SMARCAL1: variants seen among roughly 807,000 people sequenced by gnomAD.
SMARCAL1 encodes the protein ATP-driven annealing helicase.
SMARCAL1 carries 58 observed loss-of-function variants against 94.5 expected under a neutral mutation model. The observed-to-expected ratio is 0.61, with a 90% CI of 0.50 to 0.76. The LOEUF is 0.76. Among genes scored for constraint, SMARCAL1 ranks in the 30% least tolerant of loss-of-function variants. SMARCAL1 has a pLI of 0.00. For synonymous variants in SMARCAL1, 422 were observed against 455.1 expected, an observed-to-expected ratio of 0.93 and a Z score of 0.93; for missense variants, 1,051 against 1,177.9, an observed-to-expected ratio of 0.89 and a Z score of 1.58.
chr2:216,477,309 A>C, intron 16 of SMARCAL1, 100 bp downstream of exon 16: 1 of 857,136 alleles, frequency 1.2e-6, no homozygotes, highest in African/African-American at 1.7e-5. Flanking sequence ...TTTGCTAAGT[A>C]AGGTCTTTAA....
intron 13 of SMARCAL1, among the ~76,000 whole-genome samples, chr2:216,466,203 C>A (rs1694826519): frequency 6.6e-6 from 1 of 152,194 alleles, no homozygotes; most frequent in Admixed American, 6.5e-5. Flanking sequence ...CCCAGAGCCA[C>A]CCATTTCCCT....
At position 216,468,515 on chromosome 2, in the gene SMARCAL1, A is replaced by T. The variant is rs532074665; in HGVS notation, c.2244+469A>T. On this transcript the variant is annotated intron_variant, in intron 14 of 17. Coordinates refer to ENST00000357276, the MANE Select transcript of SMARCAL1 (RefSeq NM_014140.4). The stretch of plus-strand genomic sequence containing the variant: ...GCTCTCCTGAAATTGAACGAAAGGG[A>T]TCTAGAAGGATTTCCAAGGATGTTT... Among the ~76,000 whole-genome samples the T allele has an allele frequency of 2.6e-5, 4 of 152,288 alleles. No homozygotes were observed. The South Asian group carries it at 8.3e-4, about 32-fold the overall frequency.
chr2:216,438,648 G>T (rs900540878), intron 10 of SMARCAL1, among the ~76,000 whole-genome samples, 163 bp downstream of exon 10: 2 of 152,162 alleles, frequency 1.3e-5, no homozygotes, highest in Non-Finnish European at 2.9e-5. Flanking sequence ...CCTTAGGGCT[G>T]TGGTACCAAT....
At chr2:216,448,461 C>G (rs1272075895) in intron 11 of SMARCAL1, among the ~76,000 whole-genome samples, 2 of 152,128 alleles carry the variant, frequency 1.3e-5, no homozygotes, top group Non-Finnish European at 2.9e-5. Flanking sequence ...TTCCTATGTT[C>G]CCCATCTTAG....
intron 8 of SMARCAL1, 47 bp from the exon 9 acceptor site, chr2:216,435,291 C>T: frequency 5.6e-6 from 9 of 1,607,634 alleles, no homozygotes; most frequent in Non-Finnish European, 7.7e-6. Context: ...CCAACAGCTG[C>T]TGTGCTGGGT....
At chr2:216,453,044 A>G (rs555897038) in intron 12 of SMARCAL1, among the ~76,000 whole-genome samples, 2 of 152,324 alleles carry the variant, frequency 1.3e-5, no homozygotes, top group African/African-American at 4.8e-5. Context: ...AAAAGTACAT[A>G]AGGATAGTGC....
At chr2:216,456,824 G>C (rs994588213) in intron 12 of SMARCAL1, among the ~76,000 whole-genome samples, 1 of 152,122 alleles carries the variant, frequency 6.6e-6, no homozygotes, top group African/African-American at 2.4e-5. Flanking sequence ...ATAATGACAG[G>C]ATCAAATTCA....
At chr2:216,416,433 C>A (rs978322630) in intron 4 of SMARCAL1, 126 bp downstream of exon 4, 5 of 788,458 alleles carry the variant, frequency 6.3e-6, no homozygotes, top group South Asian at 2.7e-5. Context: ...GGGCACCCCC[C>A]CCAACACTCC....
At position 216,468,021 on chromosome 2, in the gene SMARCAL1, C is replaced by A. The variant is rs773960849; in HGVS notation, c.2219C>A (p.Ala740Glu). ...VFAHHKVVLD[A>E]ITQELERKHV... ...GCACACCATAAGGTGGTCCTGGACG[C>A]AATTACGCAAGAGCTTGAGAGAAAG... Residue 740 changes from alanine (A) to glutamate (E), a missense_variant, in exon 14 of 18, where the codon GCA becomes GAA. Ala to Glu is a moderately radical substitution (Grantham distance 107). Coordinates refer to ENST00000357276, the MANE Select transcript of SMARCAL1 (RefSeq NM_014140.4). 1.2e-6 allele frequency: 2 copies of A among 1,613,490 alleles called. No individual in the cohort carries two copies. Among genetic ancestry groups the A allele is most frequent in the South Asian group, 1.1e-5 (1 of 91,078 alleles).
intron 7 of SMARCAL1, among the ~76,000 whole-genome samples, chr2:216,430,792 G>T (rs1384641704): frequency 6.6e-6 from 1 of 152,222 alleles, no homozygotes; most frequent in African/African-American, 2.4e-5. Context: ...GGCTCTCCAT[G>T]GATTCCGTTG....
At chr2:216,447,942 G>A (rs778144223) in intron 11 of SMARCAL1, among the ~76,000 whole-genome samples, 5 of 152,144 alleles carry the variant, frequency 3.3e-5, no homozygotes, top group Non-Finnish European at 5.9e-5. Context: ...AGAAATAGCT[G>A]CAACTTACCC....
chr2:216,479,711 C>T (rs1285147203), intron 17 of SMARCAL1, among the ~76,000 whole-genome samples: 1 of 152,124 alleles, frequency 6.6e-6, no homozygotes, highest in Non-Finnish European at 1.5e-5. Context: ...AAAGAACTCT[C>T]CAGTTCAGCT....
chr2:216,431,115 C>A (rs1693953771), intron 7 of SMARCAL1, among the ~76,000 whole-genome samples: 1 of 152,258 alleles, frequency 6.6e-6, no homozygotes, highest in South Asian at 2.1e-4. Flanking sequence ...AGAAGGGTGC[C>A]ACGCCATGAT....
intron 13 of SMARCAL1, among the ~76,000 whole-genome samples, chr2:216,466,718 A>G (rs939895039): frequency 3.9e-5 from 6 of 152,196 alleles, no homozygotes; most frequent in African/African-American, 1.4e-4. Flanking sequence ...GAGCTCACCA[A>G]GTGGATTTTG....
intron 6 of SMARCAL1, among the ~76,000 whole-genome samples, chr2:216,426,623 A>G (rs1322626416): frequency 6.6e-6 from 1 of 152,222 alleles, no homozygotes; most frequent in Non-Finnish European, 1.5e-5. Context: ...GAGCATTGCA[A>G]GGTTACAGTA....
At chr2:216,477,268 A>G in intron 16 of SMARCAL1, 59 bp downstream of exon 16, 8 of 1,228,714 alleles carry the variant, frequency 6.5e-6, no homozygotes, top group Non-Finnish European at 9.4e-6. Flanking sequence ...AACTGATGAT[A>G]TGTTTACTTT....
At chr2:216,451,191 G>T in intron 12 of SMARCAL1, 127 bp downstream of exon 12, 1 of 787,486 alleles carries the variant, frequency 1.3e-6, no homozygotes, top group Non-Finnish European at 2.2e-6. Flanking sequence ...CTCTTCCCTA[G>T]GCAAGAACAG....
chr2:216,417,959 C>T (rs924863904), intron 4 of SMARCAL1, among the ~76,000 whole-genome samples: 2 of 152,042 alleles, frequency 1.3e-5, no homozygotes, highest in Non-Finnish European at 2.9e-5. Flanking sequence ...CTCACTCTGT[C>T]GCCCAGGCTG....
chr2:216,442,230 A>G (rs1268421889), intron 10 of SMARCAL1, among the ~76,000 whole-genome samples: 1 of 152,104 alleles, frequency 6.6e-6, no homozygotes, highest in African/African-American at 2.4e-5. Context: ...CAGCCTGGCC[A>G]AAATGGCGAA....
Sources: gnomAD v4.1 joint callset for allele counts (sites outside exome capture counted in the v4.1 genomes callset) on GRCh38, gnomAD v4.1.1 for gene constraint, MANE v1.5 for transcripts, NCBI Gene and HGNC (gene_info 2026-07-23, HGNC 2026-07-21) for gene names.